MYO3A: variants seen among roughly 807,000 people sequenced by gnomAD.
MYO3A encodes myosin IIIA.
In MYO3A, 180 loss-of-function variants were observed where a neutral mutation model predicts 192.7. The ratio of observed to expected loss-of-function variants is 0.93; its 90% confidence interval spans 0.83 to 1.06. MYO3A has a LOEUF of 1.06. Among genes scored for constraint, MYO3A ranks in the 50% least tolerant of loss-of-function variants. The pLI, the probability that MYO3A is intolerant of heterozygous loss-of-function variation, is 0.00. For synonymous variants in MYO3A, 628 were observed against 645.3 expected (o/e 0.97, Z 0.41); for missense variants, 1,896 against 1,905.0 (o/e 1.00, Z 0.09).
At chr10:26,207,751 ACCAAAG>A (rs1564647565) in intron 34 of MYO3A, among the ~76,000 whole-genome samples, 1 of 488 alleles carries the variant, frequency 2.0e-3, no homozygotes, top group African/African-American at 9.8e-3. Flanking sequence ...AGCTTTGACT[ACCAAAG>A]GGTCTTCTGT....
rs1029832706 is a variant in MYO3A at position 25,954,930 on chromosome 10, C to A, written c.225C>A (p.His75Gln). The change falls in exon 4 of 35, where the codon CAC becomes CAA. Residue 75 changes from histidine to glutamine, a missense_variant. By Grantham distance (24) the His-to-Gln change is conservative. Transcript: ENST00000642920. Reference protein sequence around the residue: ...EYNILKALSDHPNVVRFYGIY... With the variant: ...EYNILKALSDQPNVVRFYGIY... ...ACATCTTAAAAGCACTTTCTGACCA[C>A]CCTAATGTGGTCAGATTCTATGGGA... is the stretch of plus-strand genomic sequence containing the variant. 4.3e-6 allele frequency: 7 copies of A among 1,612,336 alleles called. No homozygotes were observed. In the Admixed American group the frequency reaches 5.0e-5, roughly 12 times the overall value.
intron 4 of MYO3A, among the ~76,000 whole-genome samples, chr10:25,980,501 A>G (rs1052415098): frequency 6.6e-6 from 1 of 152,188 alleles, no homozygotes; most frequent in Non-Finnish European, 1.5e-5. Flanking sequence ...AATCAAAAGT[A>G]TTACATTATG....
At chr10:25,998,881 T>C (rs1384366787) in intron 6 of MYO3A, among the ~76,000 whole-genome samples, 1 of 152,024 alleles carries the variant, frequency 6.6e-6, no homozygotes, top group African/African-American at 2.4e-5. Flanking sequence ...AAGGCAACCT[T>C]TTATATATTT....
intron 4 of MYO3A, among the ~76,000 whole-genome samples, chr10:25,978,659 T>C (rs1192750279): frequency 1.3e-5 from 2 of 152,146 alleles, no homozygotes; most frequent in Admixed American, 1.3e-4. Flanking sequence ...TTAGCTAATA[T>C]AAATAAGAAT....
intron 10 of MYO3A, among the ~76,000 whole-genome samples, chr10:26,036,512 A>T (rs145533960): frequency 2.0e-5 from 3 of 152,198 alleles, no homozygotes; most frequent in Non-Finnish European, 2.9e-5. Flanking sequence ...ATTCAGTGAA[A>T]AAAAGGCCTG....
chr10:25,955,046 A>G (rs200730692), intron 4 of MYO3A, 38 bp downstream of exon 4: 435 of 1,607,572 alleles, frequency 2.7e-4, no homozygotes, highest in Non-Finnish European at 3.4e-4. Context: ...GTGGAAACTT[A>G]GAGTGTGGTT....
chr10:26,169,665 A>G (rs1356834202), intron 28 of MYO3A, among the ~76,000 whole-genome samples: 1 of 152,304 alleles, frequency 6.6e-6, no homozygotes, highest in African/African-American at 2.4e-5. Context: ...GACATTCAAG[A>G]GATTAACATT....
At chr10:26,069,725 T>C (rs7084614) in intron 12 of MYO3A, among the ~76,000 whole-genome samples, 105,154 of 151,848 alleles carry the variant, frequency 0.69, 36,585 homozygotes, top group Middle Eastern at 0.76. Flanking sequence ...AAAAAGTGGT[T>C]ATCATGTGTG....
At chr10:25,943,358 G>T (rs1473191072) in intron 2 of MYO3A, among the ~76,000 whole-genome samples, 1 of 151,958 alleles carries the variant, frequency 6.6e-6, no homozygotes, top group Non-Finnish European at 1.5e-5. Context: ...CAAGATTACT[G>T]GAGATCCTTT....
At chr10:26,159,050 C>T (rs146915860) in intron 26 of MYO3A, among the ~76,000 whole-genome samples, 4,066 of 151,484 alleles carry the variant, frequency 0.027, 191 homozygotes, top group African/African-American at 0.091. Context: ...CACTGTTGCC[C>T]AGGCTGGAGT....
At chr10:26,154,201 G>A (rs908523481) in intron 24 of MYO3A, among the ~76,000 whole-genome samples, 1 of 152,006 alleles carries the variant, frequency 6.6e-6, no homozygotes, top group African/African-American at 2.4e-5. Context: ...TTGTTTTTGA[G>A]ACTGGAGTCT....
chr10:26,201,408 C>G, intron 33 of MYO3A, 103 bp downstream of exon 33: 1 of 774,582 alleles, frequency 1.3e-6, no homozygotes. Flanking sequence ...AGGCCAGGCG[C>G]GGTGGCTCAC....
At chr10:26,150,914 C>T (rs1840756050) in intron 23 of MYO3A, among the ~76,000 whole-genome samples, 1 of 152,010 alleles carries the variant, frequency 6.6e-6, no homozygotes, top group African/African-American at 2.4e-5. Flanking sequence ...TTTAAGAAGA[C>T]ATTTTTCTAA....
intron 31 of MYO3A, among the ~76,000 whole-genome samples, chr10:26,179,115 T>TTTTTG (rs1842483567): frequency 1.4e-5 from 2 of 141,212 alleles, no homozygotes; most frequent in Non-Finnish European, 3.0e-5. Context: ...TTTTTTTTTT[T>TTTTTG]GAGACGGAGT....
rs571486485 is a variant in MYO3A at position 25,963,757 on chromosome 10, A to G, written c.303+8749A>G. 3.3e-5 allele frequency among the ~76,000 whole-genome samples: 5 copies of G among 152,328 alleles called. No homozygotes were observed. In the South Asian group the frequency reaches 6.2e-4, roughly 19 times the overall value. On this transcript the variant is annotated intron_variant, in intron 4 of 34. Coordinates refer to ENST00000642920, the MANE Select transcript of MYO3A (RefSeq NM_017433.5). ...GTACTTGCAGTAGAACAGACAGCCA[A>G]TTACCTAGAGTTGTTTCATTTTTTG...
At chr10:25,969,007 A>C (rs1838439621) in intron 4 of MYO3A, among the ~76,000 whole-genome samples, 1 of 152,228 alleles carries the variant, frequency 6.6e-6, no homozygotes, top group Non-Finnish European at 1.5e-5. Context: ...TGGGAGGCCA[A>C]GGTGGGCGGA....
At chr10:26,147,596 C>A (rs752298346) in intron 23 of MYO3A, 37 bp downstream of exon 23, 2 of 1,613,234 alleles carry the variant, frequency 1.2e-6, no homozygotes, top group African/African-American at 2.7e-5. Context: ...TTTTCTGAAG[C>A]CCAATCAAAT....
chr10:25,959,454 T>C (rs1837783033), intron 4 of MYO3A, among the ~76,000 whole-genome samples: 1 of 152,160 alleles, frequency 6.6e-6, no homozygotes, highest in Non-Finnish European at 1.5e-5. Flanking sequence ...TTTGTTGTGA[T>C]TGCTATACCT....
rs1837063438 is a variant in MYO3A at position 26,096,702 on chromosome 10, G to A, written c.1776+20G>A. 2 of 1,468,504 alleles carry A rather than the reference G, an allele frequency of 1.4e-6. No individual in the cohort carries two copies. Among genetic ancestry groups the A allele is most frequent in the African/African-American group, 2.8e-5 (2 of 71,778 alleles). The allele number at this position is 1,468,504 out of a possible 1,614,324, so 91.0% of individuals were successfully genotyped here. A position where few individuals can be genotyped will look rare whatever the true frequency, so the allele number is the denominator to read the frequency against. On this transcript the variant is annotated intron_variant, in intron 17 of 34. Transcript: ENST00000642920. ...ATGGAGGTAAGTATGAAAGACACTT[G>A]AACTTCTTTAGAAAGTATCTTTTTA...
Sources: allele counts gnomAD v4.1 joint callset (sites outside exome capture counted in the v4.1 genomes callset), GRCh38; gene constraint gnomAD v4.1.1; transcripts MANE v1.5; gene names NCBI Gene and HGNC (gene_info 2026-07-23, HGNC 2026-07-21).